Variants in ARHGEF10L observed in about 807,000 individuals in gnomAD.
The protein encoded by ARHGEF10L is Rho guanine nucleotide exchange factor 10 like.
Under a neutral mutation model 141.2 loss-of-function variants are expected in ARHGEF10L, and 69 were observed. The observed-to-expected ratio is 0.49, with a 90% CI of 0.40 to 0.60. The LOEUF is 0.60. Among genes scored for constraint, ARHGEF10L ranks in the 20% least tolerant of loss-of-function variants. The pLI, the probability that ARHGEF10L is intolerant of heterozygous loss-of-function variation, is 0.00. For missense variants in ARHGEF10L, 1,482 were observed against 1,734.3 expected (o/e 0.85, Z 2.58); for synonymous variants, 711 against 718.5 (o/e 0.99, Z 0.17).
At chr1:17,608,790 T>C (rs2059390989) in intron 7 of ARHGEF10L, among the ~76,000 whole-genome samples, 1 of 152,106 alleles carries the variant, frequency 6.6e-6, no homozygotes, top group African/African-American at 2.4e-5. Context: ...TTATTTTTAT[T>C]AATTATTCTT....
the ARHGEF10L span, among the ~76,000 whole-genome samples, chr1:17,514,972 C>T: frequency 6.6e-6 from 1 of 152,206 alleles, no homozygotes; most frequent in Non-Finnish European, 1.5e-5. Context: ...GCGACTTGTT[C>T]CCTTTCCAGC....
the ARHGEF10L span, among the ~76,000 whole-genome samples, chr1:17,519,043 C>T: frequency 7.5e-5 from 11 of 146,460 alleles, no homozygotes; most frequent in East Asian, 6.4e-4. Flanking sequence ...GGTCGGGTGG[C>T]GCATGCCTGT....
intron 27 of ARHGEF10L, 77 bp from the exon 28 acceptor site, chr1:17,695,081 C>A: frequency 2.5e-6 from 4 of 1,598,666 alleles, no homozygotes; most frequent in Non-Finnish European, 3.4e-6. Context: ...TGTGCCAGGC[C>A]CTCATCTCGT....
At chr1:17,629,824 C>G (rs918851563) in intron 15 of ARHGEF10L, among the ~76,000 whole-genome samples, 3 of 152,228 alleles carry the variant, frequency 2.0e-5, no homozygotes, top group South Asian at 2.1e-4. Context: ...ACCTTCGGCT[C>G]CCTCTTCGGT....
chr1:17,678,984 A>C (rs916583462), intron 26 of ARHGEF10L, among the ~76,000 whole-genome samples: 1 of 152,218 alleles, frequency 6.6e-6, no homozygotes, highest in African/African-American at 2.4e-5. Context: ...AGACACACCA[A>C]AAATACCAAA....
At chr1:17,580,319 C>T (rs990623192) in intron 1 of ARHGEF10L, among the ~76,000 whole-genome samples, 2 of 152,220 alleles carry the variant, frequency 1.3e-5, no homozygotes, top group Non-Finnish European at 2.9e-5. Flanking sequence ...GCACTGGCAA[C>T]AGGAAGGTCT....
Position 17,627,230 on chromosome 1 carries a change from A to G in ARHGEF10L, c.1411-100A>G, listed in dbSNP as rs1014634832. 26 of 1,447,616 alleles carry G rather than the reference A, an allele frequency of 1.8e-5. No individual in the cohort carries two copies. In the Admixed American group the frequency reaches 5.3e-4, roughly 29 times the overall value. 89.7% of individuals were successfully genotyped at this position (1,447,616 alleles called of 1,614,324 possible). A position where few individuals can be genotyped will look rare whatever the true frequency, so the allele number is the denominator to read the frequency against. On this transcript the variant is annotated intron_variant, in intron 14 of 28. Transcript: ENST00000361221. This position sits in a 1 kb window ranked among gnomAD's most constrained non-coding sequence, Gnocchi z 4.0. ...TGGCCTCAGGCCGGGCCCTTTGCAG[A>G]CCCAGTGTGTGTAGGGGGTTGCGCA...
intron 27 of ARHGEF10L, among the ~76,000 whole-genome samples, chr1:17,689,329 C>CT (rs1484629200): frequency 2.0e-5 from 3 of 151,940 alleles, no homozygotes; most frequent in Admixed American, 1.3e-4. Flanking sequence ...TGCTGGTGGG[C>CT]TGGGAAGGTG....
rs1425016508 is a variant in ARHGEF10L, at chr1:17,625,590, C to T, written c.1318-366C>T. 3.3e-5 allele frequency among the ~76,000 whole-genome samples: 5 copies of T among 152,136 alleles called. No individual in the cohort carries two copies. Among genetic ancestry groups the T allele is most frequent in the East Asian group, 3.9e-4 (2 of 5,190 alleles). On this transcript the variant is annotated intron_variant, in intron 13 of 28. Coordinates refer to ENST00000361221, the MANE Select transcript of ARHGEF10L (RefSeq NM_018125.4). This position sits in a 1 kb window ranked among gnomAD's most constrained non-coding sequence, Gnocchi z 4.5. ...CAGGACAGAAGGTCCCCCTGTGCCC[C>T]GCCCCTTACCCTAGCCCAAATCTGT...
chr1:17,592,559 C>T (rs914833846), intron 4 of ARHGEF10L, among the ~76,000 whole-genome samples: 3 of 152,118 alleles, frequency 2.0e-5, no homozygotes. Flanking sequence ...AGACCAGGCT[C>T]AGCAAAGCAG....
chr1:17,656,687 G>T lies in ARHGEF10L; in HGVS notation c.2839G>T (p.Ala947Ser). The T allele has an allele frequency of 6.2e-7, 1 of 1,613,288 alleles. No individual in the cohort carries two copies. The highest frequency in any genetic ancestry group is 8.5e-7 in the Non-Finnish European group (1 of 1,179,942). ...LLAGLQDGTL[A>S]AYPRTSGGVL... is the part of the protein sequence containing the mutation. ...CGCTGGCCTGCAGGATGGGACCCTTGCTGCTTACCCTCGGACCAGCGGTGA... is the reference window on the plus strand; with the variant it reads ...CGCTGGCCTGCAGGATGGGACCCTTTCTGCTTACCCTCGGACCAGCGGTGA... The change falls in exon 25 of 29, where the codon GCT (alanine) becomes TCT (serine). Residue 947 changes from alanine to serine, a missense_variant. By Grantham distance (99) the Ala-to-Ser change is moderately conservative (BLOSUM62 1). This residue lies in a region of ARHGEF10L where 858 missense variants were observed against 966.3 expected (regional missense o/e 0.89). Transcript: ENST00000361221. This position sits in a 1 kb window ranked among gnomAD's most constrained non-coding sequence, Gnocchi z 4.9.
intron 4 of ARHGEF10L, among the ~76,000 whole-genome samples, chr1:17,599,804 A>G (rs1362122870): frequency 2.0e-5 from 3 of 152,202 alleles, no homozygotes; most frequent in Non-Finnish European, 4.4e-5. Flanking sequence ...CTCCTCTAAT[A>G]GGGCAGGTGA....
intron 1 of ARHGEF10L, among the ~76,000 whole-genome samples, chr1:17,561,222 C>G (rs2077530894): frequency 6.6e-6 from 1 of 152,198 alleles, no homozygotes; most frequent in South Asian, 2.1e-4. Flanking sequence ...TGAGAGCAAC[C>G]AGTGGGCCTC....
intron 3 of ARHGEF10L, among the ~76,000 whole-genome samples, chr1:17,588,193 G>A (rs2079187660): frequency 6.6e-6 from 1 of 151,744 alleles, no homozygotes; most frequent in South Asian, 2.1e-4. Flanking sequence ...CCCAGAGCAG[G>A]CAGGGTGGCT....
chr1:17,570,301 C>T (rs1311300225), intron 1 of ARHGEF10L, among the ~76,000 whole-genome samples: 1 of 152,190 alleles, frequency 6.6e-6, no homozygotes, highest in Non-Finnish European at 1.5e-5. Flanking sequence ...AGGATGGGGA[C>T]ACTGGGTCAG....
intron 26 of ARHGEF10L, among the ~76,000 whole-genome samples, chr1:17,665,585 T>C (rs1277145029): frequency 6.6e-6 from 1 of 152,128 alleles, no homozygotes; most frequent in East Asian, 1.9e-4. Context: ...CAGACCGTCT[T>C]TCAGTTCTGC....
chr1:17,586,784 A>T (rs1044728784), intron 2 of ARHGEF10L, among the ~76,000 whole-genome samples: 28 of 152,054 alleles, frequency 1.8e-4, no homozygotes, highest in Admixed American at 3.3e-4. Flanking sequence ...GTAGGCGGGG[A>T]CAGTCTCTCT....
Position 17,555,701 on chromosome 1 carries a change from T to TG in ARHGEF10L, c.-44+15756dup, listed in dbSNP as rs574071271. On this transcript the variant is annotated intron_variant, in intron 1 of 28. Transcript: ENST00000361221. The stretch of plus-strand genomic sequence containing the variant: ...ACACTGTGGACTGATTATGGAGTTT[T>TG]GGGGGACACATCTACTGAGCTGTGA... Among the ~76,000 whole-genome samples, 29 of 152,314 alleles carry TG rather than the reference T, an allele frequency of 1.9e-4. No homozygotes were observed. The South Asian group carries it at 6.0e-3, about 32-fold the overall frequency.
At chr1:17,629,274 G>T (rs2060550316) in intron 15 of ARHGEF10L, among the ~76,000 whole-genome samples, 1 of 150,632 alleles carries the variant, frequency 6.6e-6, no homozygotes, top group East Asian at 2.0e-4. Flanking sequence ...TGATCCTCCT[G>T]CCTCAGCCTC....
Sources: allele counts gnomAD v4.1 joint callset (sites outside exome capture counted in the v4.1 genomes callset), GRCh38; gene constraint gnomAD v4.1.1; regional missense constraint gnomAD v4.1.1; non-coding constraint Gnocchi (gnomAD v3.1); transcripts MANE v1.5; gene names NCBI Gene and HGNC (gene_info 2026-07-23, HGNC 2026-07-21).